Variants in MYBPH observed in about 807,000 individuals in gnomAD.
The protein encoded by MYBPH is myosin binding protein H, also known as myosin-binding protein H.
A neutral mutation model predicts 53.6 loss-of-function variants in MYBPH; 49 were observed. The ratio of observed to expected loss-of-function variants is 0.91; its 90% CI spans 0.73 to 1.16. The LOEUF is 1.16. Ranked by LOEUF, MYBPH falls within the 50% of genes most tolerant of loss-of-function variation. The pLI, the probability that MYBPH is intolerant of heterozygous loss-of-function variation, is 0.00. For missense variants in MYBPH, 558 were observed against 624.1 expected (o/e 0.89, Z 1.13); for synonymous variants, 239 against 249.6 (o/e 0.96, Z 0.40).
Position 203,171,159 on chromosome 1 carries a change from AG to A in MYBPH, c.834del (p.Trp279GlyfsTer138). ...CACTGAAGAGCAGCATTGCAGCCCC[AG>A]ACGTCCAGGAGCCTGATGCTGCTGG... Reference protein sequence around the residue: ...GPPSSIRLLDVWGCNAALQWT... With the variant: ...GPPSSIRLLDXWGCNAALQWT... On this transcript the variant is annotated frameshift_variant, in exon 6 of 11. Coordinates refer to ENST00000255416, the MANE Select transcript of MYBPH (RefSeq NM_004997.3). LOFTEE classifies it high-confidence loss of function. This position sits in a 1 kb window ranked among gnomAD's most constrained non-coding sequence, Gnocchi z 4.2. The A allele has an allele frequency of 6.2e-7, 1 of 1,612,502 alleles. No homozygotes were observed. Among genetic ancestry groups the A allele is most frequent in the Non-Finnish European group, 8.5e-7 (1 of 1,179,224 alleles).
chr1:203,169,432 A>T, intron 7 of MYBPH, 43 bp from the exon 8 acceptor site: 1 of 1,551,162 alleles, frequency 6.4e-7, no homozygotes, highest in Non-Finnish European at 8.7e-7. Flanking sequence ...AGCTTACAGG[A>T]GTGAGGGAGA....
chr1:203,168,556 C>A, intron 10 of MYBPH, 71 bp downstream of exon 10: 2 of 1,474,388 alleles, frequency 1.4e-6, no homozygotes, highest in South Asian at 2.4e-5. Context: ...CCCCAACCCC[C>A]TGCTCCTGGC....
At chr1:203,172,313 G>A (rs1262333902) in intron 3 of MYBPH, among the ~76,000 whole-genome samples, 1 of 152,070 alleles carries the variant, frequency 6.6e-6, no homozygotes, top group African/African-American at 2.4e-5. Context: ...TTGGCGCCTC[G>A]ACTCTGCCAG....
intron 6 of MYBPH, 25 bp from the exon 7 acceptor site, chr1:203,170,475 C>T: frequency 1.9e-6 from 3 of 1,610,604 alleles, no homozygotes; most frequent in Non-Finnish European, 2.5e-6. Context: ...GTGTCACCCT[C>T]ATTTCTCACC....
upstream of MYBPH, among the ~76,000 whole-genome samples, chr1:203,177,429 C>T (rs140548437): frequency 6.6e-6 from 1 of 152,338 alleles, no homozygotes; most frequent in Non-Finnish European, 1.5e-5. Flanking sequence ...TCAGGGCCCT[C>T]AGCAGCATGC....
chr1:203,174,594 G>A lies in MYBPH; in HGVS notation c.344C>T (p.Ser115Leu), dbSNP rs1655763357. ...CCGGGCACTCACAGGCACCCACTCCGAGGCTGAGGGGATGGAGAGAGTGTG... is the reference window on the plus strand; with the variant it reads ...CCGGGCACTCACAGGCACCCACTCCAAGGCTGAGGGGATGGAGAGAGTGTG... ...YVLELCREGA[S>L]EWVPVSARPM... Residue 115 changes from serine to leucine, a missense_variant, in exon 3 of 11, where the codon TCG (serine) becomes TTG (leucine). Coordinates refer to ENST00000255416, the MANE Select transcript of MYBPH (RefSeq NM_004997.3). 7 of 1,597,988 alleles carry A rather than the reference G, an allele frequency of 4.4e-6. No individual in the cohort carries two copies. Among genetic ancestry groups the A allele is most frequent in the African/African-American group, 1.3e-5 (1 of 74,646 alleles).
upstream of MYBPH, among the ~76,000 whole-genome samples, chr1:203,177,912 C>T (rs1035549316): frequency 3.9e-5 from 6 of 152,258 alleles, no homozygotes; most frequent in African/African-American, 7.2e-5. Flanking sequence ...TTGTTTTCTT[C>T]GCCTTCAGCA....
At chr1:203,169,461 G>A in intron 7 of MYBPH, 72 bp from the exon 8 acceptor site, 3 of 1,533,564 alleles carry the variant, frequency 2.0e-6, no homozygotes, top group Non-Finnish European at 2.7e-6. Context: ...GACTGACTAT[G>A]ATTCAAGATC....
At position 203,169,506 on chromosome 1, in the gene MYBPH, T is replaced by C. The variant is rs1655655827; in HGVS notation, c.1094-117A>G. On this transcript the variant is annotated intron_variant, in intron 7 of 10. Transcript: ENST00000255416. ...CAAGTCGTGGCTTATTTGCAGGAAC[T>C]TGGACAATCTCAAAGAGGCAGAGAA... 3.6e-6 allele frequency: 5 copies of C among 1,397,264 alleles called. No homozygotes were observed. The East Asian group carries it at 1.0e-4, about 28-fold the overall frequency. 86.6% of individuals were successfully genotyped at this position (1,397,264 alleles called of 1,614,324 possible).
At chr1:203,175,912 CAGG>C, upstream of MYBPH, 1 of 720,268 alleles carries the variant, frequency 1.4e-6, no homozygotes, top group Non-Finnish European at 2.3e-6. Flanking sequence ...TCAGGTCAAG[CAGG>C]AGGACTGGAG....
Position 203,175,382 on chromosome 1 carries a change from C to G in MYBPH, c.285G>C (p.Glu95Asp). The change falls in exon 2 of 11, where the codon GAG becomes GAC. Residue 95 changes from glutamate to aspartate, a missense_variant. Glu to Asp is a conservative substitution (Grantham distance 45, BLOSUM62 2). Coordinates refer to ENST00000255416, the MANE Select transcript of MYBPH (RefSeq NM_004997.3). The part of the protein sequence containing the change: ...SSVTVSWEPP[E>D]RLGRLGLQGY... ...CCTGGAGGCCCAGCCTCCCCAGCCTCTCTGGGGGCTCCCAGCTCACAGTCA... is the reference window on the plus strand; with the variant it reads ...CCTGGAGGCCCAGCCTCCCCAGCCTGTCTGGGGGCTCCCAGCTCACAGTCA... The G allele has an allele frequency of 6.5e-7, 1 of 1,536,482 alleles. No homozygotes were observed. Among genetic ancestry groups the G allele is most frequent in the African/African-American group, 1.4e-5 (1 of 72,376 alleles).
At position 203,174,616 on chromosome 1, in the gene MYBPH, T is replaced by C. The variant is rs1655764149; in HGVS notation, c.341-19A>G. 1.3e-6 allele frequency: 2 copies of C among 1,564,374 alleles called. No homozygotes were observed. The highest frequency in any genetic ancestry group is 1.1e-5 in the South Asian group (1 of 87,280). ...TCCGAGGCTGAGGGGATGGAGAGAGTGTGAGGTCTTTGCAATGTGGCCACA... is the reference window on the plus strand; with the variant it reads ...TCCGAGGCTGAGGGGATGGAGAGAGCGTGAGGTCTTTGCAATGTGGCCACA... On this transcript the variant is annotated intron_variant, in intron 2 of 10. Coordinates refer to ENST00000255416, the MANE Select transcript of MYBPH (RefSeq NM_004997.3).
At chr1:203,178,394 A>G (rs550017701), upstream of MYBPH, among the ~76,000 whole-genome samples, 1 of 152,272 alleles carries the variant, frequency 6.6e-6, no homozygotes, top group East Asian at 1.9e-4. Context: ...GGTTGCTTCC[A>G]AGGTAATCGG....
chr1:203,174,329 G>A, intron 3 of MYBPH, 101 bp downstream of exon 3: 1 of 1,485,912 alleles, frequency 6.7e-7, no homozygotes, highest in Non-Finnish European at 9.0e-7. Context: ...GTGGGACGGG[G>A]GAAATGACTG....
intron 2 of MYBPH, among the ~76,000 whole-genome samples, chr1:203,175,057 G>A (rs568502868): frequency 6.6e-6 from 1 of 151,982 alleles, no homozygotes; most frequent in South Asian, 2.1e-4. Flanking sequence ...TCTCACCAAA[G>A]GAGAACCCAG....
upstream of MYBPH, among the ~76,000 whole-genome samples, chr1:203,176,316 GC>G: frequency 6.6e-6 from 1 of 152,256 alleles, no homozygotes; most frequent in East Asian, 1.9e-4. Flanking sequence ...TCTCGCCTGT[GC>G]TGTATGAGGC....
At position 203,171,385 on chromosome 1, in the gene MYBPH, A is replaced by G. The variant is rs781403031; in HGVS notation, c.791T>C (p.Ile264Thr). 2 of 1,612,234 alleles carry G rather than the reference A, an allele frequency of 1.2e-6. No homozygotes were observed. The highest frequency in any genetic ancestry group is 8.5e-7 in the Non-Finnish European group (1 of 1,179,140). The change falls in exon 5 of 11, where the codon ATT becomes ACT. Residue 264 changes from isoleucine (I) to threonine (T), a missense_variant and splice_region_variant. Ile to Thr is a moderately conservative substitution (Grantham distance 89, BLOSUM62 -1). Transcript: ENST00000255416. This position sits in a 1 kb window ranked among gnomAD's most constrained non-coding sequence, Gnocchi z 4.2. ...GCACTGTTCCCCTGGCTCCATACCAATCACCAGGATGTCAATGACTGCCTT... is the reference window on the plus strand; with the variant it reads ...GCACTGTTCCCCTGGCTCCATACCAGTCACCAGGATGTCAATGACTGCCTT... ...EAKAVIDILV[I>T]EKPGPPSSIR...
chr1:203,173,637 G>A (rs947435128), intron 3 of MYBPH, among the ~76,000 whole-genome samples: 1 of 152,336 alleles, frequency 6.6e-6, no homozygotes, highest in Non-Finnish European at 1.5e-5. Context: ...TCTCCTTCTG[G>A]AGGCCTTGTC....
At chr1:203,168,513 G>A (rs1248005908) in intron 10 of MYBPH, 114 bp downstream of exon 10, 4 of 1,044,270 alleles carry the variant, frequency 3.8e-6, no homozygotes, top group Non-Finnish European at 5.8e-6. Flanking sequence ...ACAAGTTTGT[G>A]TCCACAGAGC....
Sources: allele counts gnomAD v4.1 joint callset (sites outside exome capture counted in the v4.1 genomes callset), GRCh38; gene constraint gnomAD v4.1.1; non-coding constraint Gnocchi (gnomAD v3.1); transcripts MANE v1.5; gene names NCBI Gene and HGNC (gene_info 2026-07-23, HGNC 2026-07-21).